The following CISH variants were observed in gnomAD, a reference collection of about 807,000 sequenced individuals.
CISH encodes cytokine inducible SH2 containing protein, also known as cytokine-inducible SH2-containing protein.
Under a neutral mutation model 21.3 loss-of-function variants are expected in CISH, and 11 were observed. The ratio of observed to expected loss-of-function variants is 0.52; its 90% CI spans 0.32 to 0.85. The LOEUF (loss-of-function observed/expected upper bound fraction) is 0.85. Ranked by LOEUF, CISH falls within the 40% of genes least tolerant of loss-of-function variation. The pLI, the probability that CISH is intolerant of heterozygous loss-of-function variation, is 0.03. For missense variants in CISH, 280 were observed against 351.7 expected (o/e 0.80, Z 1.63); for synonymous variants, 118 against 142.3 (o/e 0.83, Z 1.22).
At chr3:50,611,129 T>TA (rs1553624405) in intron 1 of CISH, 2 of 993,048 alleles carry the variant, frequency 2.0e-6, no homozygotes, top group Non-Finnish European at 2.4e-6. Flanking sequence ...GACCATCAGG[T>TA]GCCAGCCTGA....
At position 50,607,497 on chromosome 3, in the gene CISH, T is replaced by G; in HGVS notation, c.*110A>C. On this transcript the variant is annotated 3_prime_UTR_variant, in exon 3 of 3. Coordinates refer to ENST00000348721, the MANE Select transcript of CISH (RefSeq NM_145071.4). ...CTTCCTGGGCCAGCTGCCAGAGGTA[T>G]GCAGGCACCAGGATGCCTGGAGGAG... is the stretch of plus-strand genomic sequence containing the variant. 4 of 1,156,656 alleles carry G rather than the reference T, an allele frequency of 3.5e-6. No homozygotes were observed. In the South Asian group the frequency reaches 4.4e-5, roughly 13 times the overall value. The allele number at this position is 1,156,656 out of a possible 1,614,324, so 71.6% of individuals were successfully genotyped here.
In CISH at chr3:50,607,722, C is replaced by T. The variant is rs139699451; in HGVS notation, c.662G>A (p.Arg221His). 3.2e-4 allele frequency: 522 copies of T among 1,613,868 alleles called. No homozygotes were observed. The highest frequency in any genetic ancestry group is 2.8e-3 in the Middle Eastern group (17 of 6,062). ...AAGGCGGCACAGGTGTTGCAGGCTG[C>T]GGGCACTGCTTCTGCGTACAAAGGG... ...VQPFVRRSSA[R>H]SLQHLCRLVI... is the part of the protein sequence containing the mutation. The change falls in exon 3 of 3, where the codon CGC (arginine) becomes CAC (histidine). Residue 221 changes from arginine to histidine, a missense_variant. By Grantham distance (29) the Arg-to-His change is conservative. Transcript: ENST00000348721.
At position 50,608,266 on chromosome 3, in the gene CISH, A is replaced by G. The variant is rs2032219552; in HGVS notation, c.241+107T>C. ...TAGAGAGGGCTGTGCCTCTCCCATC[A>G]GACTCTCCTGGGCCGGGCTATGCCT... On this transcript the variant is annotated intron_variant, in intron 2 of 2. Transcript: ENST00000348721. 8 of 1,459,408 alleles carry G rather than the reference A, an allele frequency of 5.5e-6. No individual in the cohort carries two copies. In the Admixed American group the frequency reaches 1.2e-4, roughly 23 times the overall value. The allele number at this position is 1,459,408 out of a possible 1,614,324, so 90.4% of individuals were successfully genotyped here. A position where few individuals can be genotyped will look rare whatever the true frequency, so the allele number is the denominator to read the frequency against.
rs753342365 is a variant in CISH at position 50,607,738 on chromosome 3, G to T, written c.646C>A (p.Arg216Ser). The stretch of plus-strand genomic sequence containing the variant: ...TGCAGGCTGCGGGCACTGCTTCTGC[G>T]TACAAAGGGCTGCACCAGTTTTAGG... ...VHLKLVQPFVRRSSARSLQHL... is the reference protein window; with the variant it reads ...VHLKLVQPFVSRSSARSLQHL... The change falls in exon 3 of 3, where the codon CGC becomes AGC. Residue 216 changes from arginine (R) to serine (S), a missense_variant. Coordinates refer to ENST00000348721, the MANE Select transcript of CISH (RefSeq NM_145071.4). The T allele has an allele frequency of 6.2e-7, 1 of 1,613,966 alleles. No individual in the cohort carries two copies. Among genetic ancestry groups the T allele is most frequent in the South Asian group, 1.1e-5 (1 of 91,080 alleles).
chr3:50,611,276 G>C (rs1272933303), intron 1 of CISH: 3 of 1,203,842 alleles, frequency 2.5e-6, no homozygotes, highest in Middle Eastern at 3.2e-4. Flanking sequence ...GCAGGCTAGC[G>C]TAGAGTGCTC....
Position 50,608,598 on chromosome 3 carries a change from A to T in CISH, c.21-5T>A. 6.7e-7 allele frequency: 1 copy of T among 1,494,400 alleles called. No individual in the cohort carries two copies. The highest frequency in any genetic ancestry group is 8.9e-7 in the Non-Finnish European group (1 of 1,125,792). 92.6% of individuals were successfully genotyped at this position (1,494,400 alleles called of 1,614,324 possible). On this transcript the variant is annotated splice_region_variant and splice_polypyrimidine_tract_variant and intron_variant, in intron 1 of 2. Transcript: ENST00000348721. ...ACAGCCAGCAAAGGACGAGGTCTAG[A>T]AGGCAGTGGATGAGCAGTGAGTGGA...
chr3:50,610,497 A>G (rs1412802301), intron 1 of CISH: 9 of 1,551,010 alleles, frequency 5.8e-6, no homozygotes, highest in East Asian at 2.4e-5. Context: ...CTGACACCCA[A>G]CAGTAGCCCT....
chr3:50,610,667 GAGA>G (rs1184390283), intron 1 of CISH: 41 of 1,408,176 alleles, frequency 2.9e-5, no homozygotes, highest in Non-Finnish European at 3.6e-5. Flanking sequence ...GACAGCAAGG[GAGA>G]AGTAGTCTTC....
At chr3:50,608,875 A>G (rs945615556) in intron 1 of CISH, 3 of 377,826 alleles carry the variant, frequency 7.9e-6, no homozygotes, top group African/African-American at 6.2e-5. Flanking sequence ...TCTCTATTTT[A>G]TATCAACCAA....
chr3:50,609,461 T>C (rs1057079476), intron 1 of CISH: 1 of 152,254 alleles, frequency 6.6e-6, no homozygotes, highest in Non-Finnish European at 1.5e-5. Flanking sequence ...ACCCATGCAC[T>C]GAGAGGTTCA....
chr3:50,608,114 G>A lies in CISH; in HGVS notation c.270C>T (p.Ser90=), dbSNP rs774271488. The stretch of plus-strand genomic sequence containing the variant: ...TCTTCTGCAGGTGTTGTCGGGCCTC[G>A]CTGGCCGTAATGGAACCCCAATACC... ...SGWYWGSITA[S]EARQHLQKMP... Residue 90 remains serine (S), a synonymous_variant, in exon 3 of 3, where the codon AGC becomes AGT. Coordinates refer to ENST00000348721, the MANE Select transcript of CISH (RefSeq NM_145071.4). 5.0e-6 allele frequency: 8 copies of A among 1,607,922 alleles called. No individual in the cohort carries two copies. The highest frequency in any genetic ancestry group is 1.3e-5 in the African/African-American group (1 of 74,950).
chr3:50,608,014 G>A lies in CISH; in HGVS notation c.370C>T (p.Arg124Cys), dbSNP rs140032833. 8.9e-5 allele frequency: 144 copies of A among 1,614,028 alleles called. No individual in the cohort carries two copies. The Admixed American group carries it at 1.4e-3, about 16-fold the overall frequency. ...YLFTLSVKTT[R>C]GPTNVRIEYA... is the part of the protein sequence containing the mutation. Reference sequence around the variant, plus strand: ...TCAATGCGTACATTGGTGGGGCCACGAGTGGTTTTCACTGACAGCGTGAAC... The same window carrying A: ...TCAATGCGTACATTGGTGGGGCCACAAGTGGTTTTCACTGACAGCGTGAAC... The change falls in exon 3 of 3, where the codon CGT becomes TGT. Residue 124 changes from arginine to cysteine, a missense_variant. By Grantham distance (180) the Arg-to-Cys change is radical. Coordinates refer to ENST00000348721, the MANE Select transcript of CISH (RefSeq NM_145071.4).
intron 2 of CISH, 115 bp downstream of exon 2, chr3:50,608,258 C>G (rs143786338): frequency 0.014 from 20,014 of 1,463,924 alleles, 237 homozygotes; most frequent in Non-Finnish European, 0.015. Flanking sequence ...GGCTGTGCCT[C>G]TCCCATCAGA....
At chr3:50,608,282 G>A in intron 2 of CISH, 91 bp downstream of exon 2, 7 of 1,463,658 alleles carry the variant, frequency 4.8e-6, no homozygotes, top group Non-Finnish European at 6.5e-6. Context: ...TCCTGGGCCG[G>A]GCTATGCCTC....
At chr3:50,610,056 C>T in intron 1 of CISH, 1 of 387,994 alleles carries the variant, frequency 2.6e-6, no homozygotes, top group Non-Finnish European at 4.8e-6. Context: ...GAAAGGGCCA[C>T]ACAACTCTGG....
chr3:50,607,618 A>G lies in CISH; in HGVS notation c.766T>C (p.Phe256Leu), dbSNP rs1396813925. 6.2e-7 allele frequency: 1 copy of G among 1,611,996 alleles called. No individual in the cohort carries two copies. The highest frequency in any genetic ancestry group is 1.1e-5 in the South Asian group (1 of 90,942). The change falls in exon 3 of 3, where the codon TTC becomes CTC. Residue 256 changes from phenylalanine to leucine, a missense_variant. Coordinates refer to ENST00000348721, the MANE Select transcript of CISH (RefSeq NM_145071.4). Reference protein sequence around the residue: ...RMADYLRQYPFQL With the variant: ...RMADYLRQYPLQL ...ATTGCCCCGTACAGTCAGAGCTGGA[A>G]GGGGTACTGTCGGAGGTAGTCGGCC... is the stretch of plus-strand genomic sequence containing the variant.
chr3:50,611,598 G>C, intron 1 of CISH, 33 bp downstream of exon 1: 1 of 1,522,958 alleles, frequency 6.6e-7, no homozygotes, highest in Non-Finnish European at 8.8e-7. Flanking sequence ...GCCCCTCGTG[G>C]TGGCCGGGAA....
chr3:50,609,677 T>C (rs1575986060), intron 1 of CISH: 1 of 152,288 alleles, frequency 6.6e-6, no homozygotes, highest in East Asian at 1.9e-4. Flanking sequence ...GCCTTAGTTC[T>C]GGGTCTAGTC....
At chr3:50,608,169 G>C (rs748585454) in intron 2 of CISH, 27 bp from the exon 3 acceptor site, 1 of 1,576,292 alleles carries the variant, frequency 6.3e-7, no homozygotes, top group Non-Finnish European at 8.6e-7. Flanking sequence ...GGGGCCAAGG[G>C]ACATAGTGGA....
Sources: allele counts gnomAD v4.1 joint callset, GRCh38; gene constraint gnomAD v4.1.1; transcripts MANE v1.5; gene names NCBI Gene and HGNC (gene_info 2026-07-23, HGNC 2026-07-21).